Variants in NR3C2 observed in about 807,000 individuals in gnomAD.
NR3C2 encodes mineralocorticoid receptor.
In NR3C2, 15 loss-of-function variants were observed where a neutral mutation model predicts 86.4. That is an observed-to-expected ratio of 0.17 (90% CI 0.12 to 0.27). The LOEUF is 0.27. Among genes scored for constraint, NR3C2 ranks in the 10% least tolerant of loss-of-function variants. The pLI, the probability that NR3C2 is intolerant of heterozygous loss-of-function variation, is 1.00. For synonymous variants in NR3C2, 458 were observed against 450.5 expected (o/e 1.02, Z -0.21); for missense variants, 960 against 1,195.6 (o/e 0.80, Z 2.91).
At chr4:148,372,248 T>C (rs985881124) in intron 2 of NR3C2, among the ~76,000 whole-genome samples, 1 of 152,144 alleles carries the variant, frequency 6.6e-6, no homozygotes, top group Admixed American at 6.5e-5. Flanking sequence ...AAGAAAGATG[T>C]CTTAATTTTC....
At chr4:148,262,166 C>G (rs1740155836) in intron 2 of NR3C2, among the ~76,000 whole-genome samples, 1 of 152,180 alleles carries the variant, frequency 6.6e-6, no homozygotes, top group Non-Finnish European at 1.5e-5. Flanking sequence ...AACTTAAAAT[C>G]ATCATGAAAA....
chr4:148,245,821 C>T (rs1378180512), intron 3 of NR3C2, among the ~76,000 whole-genome samples: 2 of 152,120 alleles, frequency 1.3e-5, no homozygotes, highest in African/African-American at 4.8e-5. Context: ...GAAAGAATTT[C>T]ATTTTCGATG....
In NR3C2 at chr4:148,081,333, G is replaced by A. The variant is rs1474432328; in HGVS notation, c.*11C>T. 1 of 1,614,156 alleles carries A rather than the reference G, an allele frequency of 6.2e-7. No homozygotes were observed. Among genetic ancestry groups the A allele is most frequent in the Non-Finnish European group, 8.5e-7 (1 of 1,180,022 alleles). Reference sequence around the variant, plus strand: ...GAAACTTAAGGCAAAGTTCTTCTGGGCAGCGGGCAGTCACTTCCGGTGGAA... The same window carrying A: ...GAAACTTAAGGCAAAGTTCTTCTGGACAGCGGGCAGTCACTTCCGGTGGAA... On this transcript the variant is annotated 3_prime_UTR_variant, in exon 9 of 9. Transcript: ENST00000358102.
At chr4:148,322,353 T>C (rs902637265) in intron 2 of NR3C2, among the ~76,000 whole-genome samples, 2 of 142,100 alleles carry the variant, frequency 1.4e-5, no homozygotes, top group African/African-American at 2.6e-5. Flanking sequence ...GACAATCATG[T>C]GTCTTGGAGT....
At chr4:148,261,313 G>A (rs928882109) in intron 2 of NR3C2, among the ~76,000 whole-genome samples, 6 of 151,342 alleles carry the variant, frequency 4.0e-5, no homozygotes, top group Non-Finnish European at 8.9e-5. Context: ...GTGCGCTATG[G>A]TAAGCGCTAT....
chr4:148,220,492 C>T (rs1737779042), intron 3 of NR3C2, among the ~76,000 whole-genome samples: 1 of 152,212 alleles, frequency 6.6e-6, no homozygotes, highest in African/African-American at 2.4e-5. Flanking sequence ...GGACTGACTT[C>T]TGATTATAGA....
In NR3C2 at chr4:148,152,416, A is replaced by G. The variant is rs975825425; in HGVS notation, c.2510+53T>C. ...TGTTTAGAAATTACTGAAAGAAATC[A>G]TAACGCATAACTCTGCAGTTTATTT... On this transcript the variant is annotated intron_variant, in intron 6 of 8. Coordinates refer to ENST00000358102, the MANE Select transcript of NR3C2 (RefSeq NM_000901.5). 8 of 1,569,628 alleles carry G rather than the reference A, an allele frequency of 5.1e-6. No individual in the cohort carries two copies. The African/African-American group carries it at 8.1e-5, about 16-fold the overall frequency.
intron 2 of NR3C2, among the ~76,000 whole-genome samples, chr4:148,296,916 A>G (rs946555678): frequency 6.6e-6 from 1 of 152,244 alleles, no homozygotes; most frequent in African/African-American, 2.4e-5. Flanking sequence ...TTTTACAATA[A>G]AAGACCAGAT....
chr4:148,323,777 T>A lies in NR3C2; in HGVS notation c.1758-63660A>T, dbSNP rs1743788046. On this transcript the variant is annotated intron_variant, in intron 2 of 8. Coordinates refer to ENST00000358102, the MANE Select transcript of NR3C2 (RefSeq NM_000901.5). ...CGCACCCACTGACCTGTGCCCACTG[T>A]CTGGCACTCCCTAGTGCGATGAACC... is the stretch of plus-strand genomic sequence containing the variant. 3.3e-5 allele frequency among the ~76,000 whole-genome samples: 5 copies of A among 152,216 alleles called. No homozygotes were observed. The South Asian group carries it at 1.0e-3, about 32-fold the overall frequency.
At position 148,218,014 on chromosome 4, in the gene NR3C2, GATAA is replaced by G. The variant is rs1737632355; in HGVS notation, c.1898-23156_1898-23153del. ...AATCGCTGGGAGGTTTACTCCATCA[GATAA>G]ATAGTTTTGTTGTCTTGTTTTAATT... is the stretch of plus-strand genomic sequence containing the variant. On this transcript the variant is annotated intron_variant, in intron 3 of 8. Coordinates refer to ENST00000358102, the MANE Select transcript of NR3C2 (RefSeq NM_000901.5). Among the ~76,000 whole-genome samples, 4 of 152,164 alleles carry G rather than the reference GATAA, an allele frequency of 2.6e-5. No individual in the cohort carries two copies. The South Asian group carries it at 8.3e-4, about 31-fold the overall frequency.
At chr4:148,090,113 T>A (rs879550163) in intron 8 of NR3C2, among the ~76,000 whole-genome samples, 1 of 152,126 alleles carries the variant, frequency 6.6e-6, no homozygotes, top group African/African-American at 2.4e-5. Context: ...TATCTACAAC[T>A]CATCCTCACC....
intron 2 of NR3C2, among the ~76,000 whole-genome samples, chr4:148,350,445 C>G (rs950423279): frequency 6.6e-6 from 1 of 152,088 alleles, no homozygotes; most frequent in Non-Finnish European, 1.5e-5. Context: ...GCAACTGATA[C>G]TAATACATTA....
At chr4:148,281,700 T>G (rs1461175827) in intron 2 of NR3C2, among the ~76,000 whole-genome samples, 1 of 152,262 alleles carries the variant, frequency 6.6e-6, no homozygotes, top group Non-Finnish European at 1.5e-5. Context: ...TCTATACTCA[T>G]TATACCTCTC....
At chr4:148,383,292 G>C (rs1292545862) in intron 2 of NR3C2, among the ~76,000 whole-genome samples, 20 of 152,098 alleles carry the variant, frequency 1.3e-4, no homozygotes, top group Admixed American at 1.3e-3. Flanking sequence ...GAAGAAATAA[G>C]TCTACAGTAT....
At chr4:148,082,870 C>T (rs1238983281) in intron 8 of NR3C2, among the ~76,000 whole-genome samples, 2 of 151,952 alleles carry the variant, frequency 1.3e-5, no homozygotes, top group Non-Finnish European at 2.9e-5. Flanking sequence ...CCGGGATGCT[C>T]GAGCTTGGTG....
chr4:148,415,087 C>A (rs1386292815), intron 2 of NR3C2, among the ~76,000 whole-genome samples: 1 of 152,180 alleles, frequency 6.6e-6, no homozygotes, highest in African/African-American at 2.4e-5. Context: ...AAATAAAACT[C>A]CTCCTATTTA....
intron 2 of NR3C2, among the ~76,000 whole-genome samples, chr4:148,400,084 T>C (rs1469282393): frequency 6.6e-6 from 1 of 152,276 alleles, no homozygotes; most frequent in East Asian, 1.9e-4. Flanking sequence ...AGGAGAATTA[T>C]ACTGGCATTT....
At chr4:148,093,433 C>G (rs534625708) in intron 8 of NR3C2, among the ~76,000 whole-genome samples, 1 of 152,332 alleles carries the variant, frequency 6.6e-6, no homozygotes, top group Non-Finnish European at 1.5e-5. Flanking sequence ...ATGATACAGC[C>G]TCTCTAAAGT....
At chr4:148,082,392 C>T (rs1378062553) in intron 8 of NR3C2, among the ~76,000 whole-genome samples, 4 of 152,128 alleles carry the variant, frequency 2.6e-5, no homozygotes, top group African/African-American at 4.8e-5. Flanking sequence ...ACTGGTTAGA[C>T]GGTGGGTGTA....
Sources: allele counts gnomAD v4.1 joint callset (sites outside exome capture counted in the v4.1 genomes callset), GRCh38; gene constraint gnomAD v4.1.1; transcripts MANE v1.5; gene names NCBI Gene and HGNC (gene_info 2026-07-23, HGNC 2026-07-21).